RNF216: variants seen among roughly 807,000 people sequenced by gnomAD.
RNF216 encodes E3 ubiquitin-protein ligase RNF216.
RNF216 carries 72 observed loss-of-function variants against 110.8 expected under a neutral mutation model. The ratio of observed to expected loss-of-function variants is 0.65; its 90% CI spans 0.54 to 0.79. The LOEUF is 0.79. Ranked by LOEUF, RNF216 falls within the 30% of genes least tolerant of loss-of-function variation. RNF216 has a pLI of 0.00. For missense variants in RNF216, 1,342 were observed against 1,141.2 expected, an observed-to-expected ratio of 1.18 and a Z score of -2.54; for synonymous variants, 495 against 407.5, an observed-to-expected ratio of 1.21 and a Z score of -2.59.
In RNF216 at chr7:5,639,084, T is replaced by G. The variant is rs528610503; in HGVS notation, c.2382+2070A>C. On this transcript the variant is annotated intron_variant, in intron 15 of 16. Transcript: ENST00000389902. ...GATGGCTACTTCTTCCCGTCTCACTTGCAGTTGAGGAAGAATGTCATTAAG... is the reference window on the plus strand; with the variant it reads ...GATGGCTACTTCTTCCCGTCTCACTGGCAGTTGAGGAAGAATGTCATTAAG... 5.3e-5 allele frequency among the ~76,000 whole-genome samples: 8 copies of G among 152,318 alleles called. No homozygotes were observed. The South Asian group carries it at 1.7e-3, about 32-fold the overall frequency.
At chr7:5,707,740 T>G (rs1011309379) in intron 13 of RNF216, among the ~76,000 whole-genome samples, 7 of 142,288 alleles carry the variant, frequency 4.9e-5, no homozygotes, top group East Asian at 2.0e-4. Flanking sequence ...TTTTTTTTTT[T>G]TGTGACAGAG....
intron 13 of RNF216, among the ~76,000 whole-genome samples, chr7:5,658,235 G>A (rs1239313173): frequency 2.0e-5 from 3 of 152,150 alleles, no homozygotes; most frequent in African/African-American, 7.2e-5. Context: ...CGCTTTTCCA[G>A]CAATGACAGC....
At position 5,712,707 on chromosome 7, in the gene RNF216, G is replaced by T; in HGVS notation, c.1982+8C>A. 1 of 1,614,002 alleles carries T rather than the reference G, an allele frequency of 6.2e-7. No individual in the cohort carries two copies. Among genetic ancestry groups the T allele is most frequent in the South Asian group, 1.1e-5 (1 of 91,066 alleles). The stretch of plus-strand genomic sequence containing the variant: ...TTGGCAGATGGCACGCTCTGCCTGA[G>T]AACGAACCTGACAAGCTCGTCGGCG... On this transcript the variant is annotated splice_region_variant and intron_variant, in intron 12 of 16. Coordinates refer to ENST00000389902, the MANE Select transcript of RNF216 (RefSeq NM_207111.4).
rs373552715 is a variant in RNF216 at position 5,641,353 on chromosome 7, C to T, written c.2183G>A (p.Arg728His). 26 of 1,613,278 alleles carry T rather than the reference C, an allele frequency of 1.6e-5. No individual in the cohort carries two copies. Among genetic ancestry groups the T allele is most frequent in the Non-Finnish European group, 1.8e-5 (21 of 1,179,650 alleles). Residue 728 changes from arginine to histidine, a missense_variant, in exon 15 of 17, where the codon CGC becomes CAC. Transcript: ENST00000389902. ...CCCACACTTGTGGCATTTTCTAATG[C>T]GGGCAGCAGTCATTTTTTCTTCACT... ...TSIEEKMTAA[R>H]IRKCHKCGTG...
chr7:5,649,070 T>C (rs764660364), intron 14 of RNF216, among the ~76,000 whole-genome samples: 6 of 152,154 alleles, frequency 3.9e-5, no homozygotes, highest in African/African-American at 7.2e-5. Flanking sequence ...GAAAACACTA[T>C]AGCAGTTTAA....
At chr7:5,640,687 C>T (rs1032926768) in intron 15 of RNF216, among the ~76,000 whole-genome samples, 3 of 148,112 alleles carry the variant, frequency 2.0e-5, no homozygotes, top group Admixed American at 1.3e-4. Context: ...AATATTAAAC[C>T]ATCATTGCAT....
intron 15 of RNF216, among the ~76,000 whole-genome samples, chr7:5,625,139 C>G (rs1029358970): frequency 1.3e-5 from 2 of 152,202 alleles, no homozygotes; most frequent in African/African-American, 4.8e-5. Context: ...GGCTCACAAG[C>G]AGCAGAGTGG....
At chr7:5,675,712 T>C (rs991295096) in intron 13 of RNF216, among the ~76,000 whole-genome samples, 5 of 145,266 alleles carry the variant, frequency 3.4e-5, no homozygotes, top group East Asian at 3.9e-4. Context: ...TCTATTCAAA[T>C]TCTTTTTTTT....
chr7:5,779,225 C>A (rs935643735), intron 1 of RNF216, among the ~76,000 whole-genome samples: 13 of 152,182 alleles, frequency 8.5e-5, no homozygotes, highest in Admixed American at 6.5e-4. Flanking sequence ...AACTTTCGAT[C>A]TGCCTCACTC....
chr7:5,662,890 A>G (rs1255059407), intron 13 of RNF216, among the ~76,000 whole-genome samples: 1 of 151,970 alleles, frequency 6.6e-6, no homozygotes, highest in African/African-American at 2.4e-5. Context: ...TCTGGTAGAG[A>G]AGCGTTCCAG....
At chr7:5,702,818 C>T (rs1273352485) in intron 13 of RNF216, among the ~76,000 whole-genome samples, 1 of 152,184 alleles carries the variant, frequency 6.6e-6, no homozygotes, top group Non-Finnish European at 1.5e-5. Context: ...CTTGCTATGA[C>T]GCCAGCCCTG....
At chr7:5,625,064 G>A (rs1786623234) in intron 15 of RNF216, among the ~76,000 whole-genome samples, 1 of 152,268 alleles carries the variant, frequency 6.6e-6, no homozygotes, top group African/African-American at 2.4e-5. Flanking sequence ...CCCGCCAAGT[G>A]GGTGCCCATC....
At chr7:5,628,322 C>A (rs1172706906) in intron 15 of RNF216, among the ~76,000 whole-genome samples, 1 of 152,116 alleles carries the variant, frequency 6.6e-6, no homozygotes, top group Admixed American at 6.5e-5. Flanking sequence ...CTACAATGAC[C>A]TACAATTTTA....
intron 13 of RNF216, among the ~76,000 whole-genome samples, chr7:5,711,434 T>C (rs1294014262): frequency 6.6e-6 from 1 of 152,058 alleles, no homozygotes; most frequent in African/African-American, 2.4e-5. Context: ...TGAGCACAGG[T>C]GGTGAAGAGA....
rs1245114247 is a variant in RNF216 at position 5,638,266 on chromosome 7, A to G, written c.2382+2888T>C. Reference sequence around the variant, plus strand: ...ATAGAATTACTTTTTGTACAATTCTAATGTAAGCATATATAAAATTTGACA... The same window carrying G: ...ATAGAATTACTTTTTGTACAATTCTGATGTAAGCATATATAAAATTTGACA... On this transcript the variant is annotated intron_variant, in intron 15 of 16. Coordinates refer to ENST00000389902, the MANE Select transcript of RNF216 (RefSeq NM_207111.4). 2.0e-5 allele frequency among the ~76,000 whole-genome samples: 3 copies of G among 152,240 alleles called. No individual in the cohort carries two copies. The East Asian group carries it at 5.8e-4, about 29-fold the overall frequency.
chr7:5,675,714 C>CTTTTTTTTT (rs754444984), intron 13 of RNF216, among the ~76,000 whole-genome samples: 7,031 of 140,806 alleles, frequency 0.05, 710 homozygotes, highest in African/African-American at 0.18. Context: ...TATTCAAATT[C>CTTTTTTTTT]TTTTTTTTTT....
intron 13 of RNF216, among the ~76,000 whole-genome samples, chr7:5,697,452 T>C (rs927366568): frequency 2.6e-5 from 4 of 152,282 alleles, no homozygotes; most frequent in Middle Eastern, 3.4e-3. Flanking sequence ...CTGGTAATGA[T>C]CGTGTTTAGA....
At chr7:5,626,225 G>C (rs557923047) in intron 15 of RNF216, among the ~76,000 whole-genome samples, 1 of 152,126 alleles carries the variant, frequency 6.6e-6, no homozygotes, top group Non-Finnish European at 1.5e-5. Flanking sequence ...CTCCACAAGG[G>C]GGAACTTACT....
intron 13 of RNF216, among the ~76,000 whole-genome samples, chr7:5,681,810 C>T (rs1271319161): frequency 6.6e-6 from 1 of 152,202 alleles, no homozygotes; most frequent in East Asian, 1.9e-4. Context: ...ATCCTGACTA[C>T]ATAAACGGGA....
Sources: gnomAD v4.1 joint callset for allele counts (sites outside exome capture counted in the v4.1 genomes callset) on GRCh38, gnomAD v4.1.1 for gene constraint, MANE v1.5 for transcripts, NCBI Gene and HGNC (gene_info 2026-07-23, HGNC 2026-07-21) for gene names.